Variants in GALNT13 observed in about 807,000 individuals in gnomAD.
The protein encoded by GALNT13 is UDP-GalNAc:polypeptide N-acetylgalactosaminyltransferase 13.
In GALNT13, 28 loss-of-function variants were observed where a neutral mutation model predicts 64.2. The observed-to-expected ratio is 0.44, with a 90% CI of 0.32 to 0.60. GALNT13 has a LOEUF of 0.60. GALNT13 is among the 20% of genes least tolerant of loss of function. GALNT13 has a pLI of 0.05. For synonymous variants in GALNT13, 214 were observed against 224.6 expected (o/e 0.95, Z 0.42); for missense variants, 577 against 669.8 (o/e 0.86, Z 1.53).
At chr2:154,143,728 G>A (rs1265246458) in intron 4 of GALNT13, among the ~76,000 whole-genome samples, 1 of 151,504 alleles carries the variant, frequency 6.6e-6, no homozygotes, top group African/African-American at 2.4e-5. Context: ...AGGTGTGGTG[G>A]CCCATGCCTG....
the GALNT13 span, among the ~76,000 whole-genome samples, chr2:153,664,100 G>T: frequency 3.9e-5 from 6 of 152,150 alleles, no homozygotes; most frequent in African/African-American, 1.4e-4. Flanking sequence ...ACAAGAAACA[G>T]GGTTCAAGAG....
chr2:153,417,209 G>A, the GALNT13 span, among the ~76,000 whole-genome samples: 1 of 152,158 alleles, frequency 6.6e-6, no homozygotes, highest in African/African-American at 2.4e-5. Context: ...ATGAAAAGGA[G>A]GTGGGTAGGG....
chr2:153,610,367 A>G, the GALNT13 span, among the ~76,000 whole-genome samples: 1 of 152,170 alleles, frequency 6.6e-6, no homozygotes, highest in Non-Finnish European at 1.5e-5. Context: ...GGTTATATGC[A>G]TATATTTATT....
chr2:153,456,224 T>C, the GALNT13 span, among the ~76,000 whole-genome samples: 1 of 152,190 alleles, frequency 6.6e-6, no homozygotes, highest in Non-Finnish European at 1.5e-5. Context: ...GGCTTGAGGG[T>C]GGAGTTTCTC....
the GALNT13 span, among the ~76,000 whole-genome samples, chr2:153,706,923 T>A: frequency 1.3e-5 from 2 of 152,208 alleles, no homozygotes; most frequent in African/African-American, 4.8e-5. Context: ...AAATCTCATC[T>A]TGAATTTGTA....
intron 3 of GALNT13, among the ~76,000 whole-genome samples, chr2:154,068,470 C>T (rs752783447): frequency 9.2e-5 from 14 of 151,738 alleles, no homozygotes; most frequent in Non-Finnish European, 1.8e-4. Flanking sequence ...CCTAAGTGCT[C>T]ACAAACAGAT....
intron 11 of GALNT13, among the ~76,000 whole-genome samples, chr2:154,418,969 A>C (rs1218997448): frequency 3.3e-5 from 5 of 152,106 alleles, no homozygotes; most frequent in African/African-American, 2.4e-5. Flanking sequence ...TTTAACTCAA[A>C]TTTTTGTATT....
the GALNT13 span, among the ~76,000 whole-genome samples, chr2:153,520,890 A>T: frequency 6.6e-6 from 1 of 152,192 alleles, no homozygotes; most frequent in Admixed American, 6.5e-5. Context: ...TAAATAGGTT[A>T]TTTTGTTGAT....
the GALNT13 span, among the ~76,000 whole-genome samples, chr2:153,726,728 C>T: frequency 6.6e-6 from 1 of 151,970 alleles, no homozygotes; most frequent in Non-Finnish European, 1.5e-5. Context: ...ATCACAAGGT[C>T]AGGAGATCAA....
the GALNT13 span, among the ~76,000 whole-genome samples, chr2:153,648,080 G>A: frequency 6.6e-6 from 1 of 152,094 alleles, no homozygotes; most frequent in African/African-American, 2.4e-5. Context: ...TCACAATATT[G>A]ATTCTTCCTA....
intron 7 of GALNT13, among the ~76,000 whole-genome samples, chr2:154,250,222 A>G (rs936227376): frequency 7.9e-5 from 12 of 152,124 alleles, no homozygotes; most frequent in African/African-American, 2.9e-4. Context: ...TAAATATTGC[A>G]AAATAAATGT....
chr2:153,994,185 C>T (rs188427693), intron 3 of GALNT13, among the ~76,000 whole-genome samples: 11 of 151,986 alleles, frequency 7.2e-5, no homozygotes, highest in Non-Finnish European at 1.3e-4. Context: ...TTTGTCCTTG[C>T]GATAGTTTGC....
the GALNT13 span, among the ~76,000 whole-genome samples, chr2:153,441,461 G>A: frequency 3.0e-3 from 464 of 152,316 alleles, 2 homozygotes; most frequent in African/African-American, 0.011. Flanking sequence ...GAAATTTAAA[G>A]TAGTGTTTTC....
the GALNT13 span, among the ~76,000 whole-genome samples, chr2:153,322,785 A>G: frequency 9.3e-3 from 1,410 of 152,176 alleles, 24 homozygotes; most frequent in East Asian, 0.084. Flanking sequence ...GTTTGCTGAG[A>G]ATGATGGTTT....
chr2:153,636,425 G>A, the GALNT13 span, among the ~76,000 whole-genome samples: 1 of 152,102 alleles, frequency 6.6e-6, no homozygotes, highest in Non-Finnish European at 1.5e-5. Context: ...TGATATTAAT[G>A]TGTAAAAAGG....
At chr2:153,545,783 A>G in the GALNT13 span, among the ~76,000 whole-genome samples, 3 of 152,112 alleles carry the variant, frequency 2.0e-5, no homozygotes, top group Non-Finnish European at 4.4e-5. Context: ...TGGCCACACT[A>G]CAGAAGTCTC....
the GALNT13 span, among the ~76,000 whole-genome samples, chr2:153,359,445 A>G: frequency 3.3e-5 from 5 of 151,982 alleles, no homozygotes; most frequent in Non-Finnish European, 7.4e-5. Flanking sequence ...TGAAATATCA[A>G]CACAAAATTG....
chr2:153,716,415 A>G, the GALNT13 span, among the ~76,000 whole-genome samples: 37 of 152,230 alleles, frequency 2.4e-4, no homozygotes, highest in Non-Finnish European at 4.4e-4. Flanking sequence ...GAGTGACCCA[A>G]GACAATTCTT....
the GALNT13 span, among the ~76,000 whole-genome samples, chr2:153,345,637 T>TTCTTTC: frequency 2.2e-4 from 15 of 66,796 alleles, no homozygotes; most frequent in East Asian, 9.0e-4. Flanking sequence ...TCCTTTCTTT[T>TTCTTTC]TCTTTCTTTC....
Sources: gnomAD v4.1 joint callset for allele counts (sites outside exome capture counted in the v4.1 genomes callset) on GRCh38, gnomAD v4.1.1 for gene constraint, MANE v1.5 for transcripts, NCBI Gene and HGNC (gene_info 2026-07-23, HGNC 2026-07-21) for gene names.